FNDC3B: variants seen among roughly 807,000 people sequenced by gnomAD.
The protein encoded by FNDC3B is fibronectin type III domain containing 3B.
A neutral mutation model predicts 151.5 loss-of-function variants in FNDC3B; 12 were observed. The observed-to-expected ratio is 0.08, with a 90% CI of 0.05 to 0.13. The LOEUF is 0.13. Among genes scored for constraint, FNDC3B ranks in the 10% least tolerant of loss-of-function variants. FNDC3B has a pLI of 1.00. For missense variants in FNDC3B, 1,214 were observed against 1,505.3 expected (o/e 0.81, Z 3.20); for synonymous variants, 528 against 549.0 (o/e 0.96, Z 0.54).
At chr3:172,266,044 T>C (rs1435243750) in intron 6 of FNDC3B, among the ~76,000 whole-genome samples, 1 of 152,212 alleles carries the variant, frequency 6.6e-6, no homozygotes, top group African/African-American at 2.4e-5. Context: ...TCTGCTCAAT[T>C]TGAGGTAATA....
intron 6 of FNDC3B, among the ~76,000 whole-genome samples, chr3:172,269,752 A>G (rs951108702): frequency 6.6e-6 from 1 of 151,322 alleles, no homozygotes; most frequent in Non-Finnish European, 1.5e-5. Context: ...TCAAGCGGTT[A>G]TCCTGCCTCA....
chr3:172,214,862 A>G (rs1725899031), intron 3 of FNDC3B, among the ~76,000 whole-genome samples: 2 of 152,262 alleles, frequency 1.3e-5, no homozygotes, highest in Admixed American at 6.5e-5. Flanking sequence ...TGCAGGGGCA[A>G]TGGAAGAGCC....
At chr3:172,268,167 T>C (rs1729018393) in intron 6 of FNDC3B, among the ~76,000 whole-genome samples, 1 of 152,220 alleles carries the variant, frequency 6.6e-6, no homozygotes, top group Non-Finnish European at 1.5e-5. Flanking sequence ...GAGATTTTTC[T>C]CTCCTCCAGA....
chr3:172,239,061 T>TA (rs1727328246), intron 4 of FNDC3B, among the ~76,000 whole-genome samples: 1 of 152,196 alleles, frequency 6.6e-6, no homozygotes, highest in Non-Finnish European at 1.5e-5. Flanking sequence ...TTATTTTTTT[T>TA]TTTTTATTTT....
intron 1 of FNDC3B, among the ~76,000 whole-genome samples, chr3:172,054,840 T>C (rs1716834761): frequency 6.6e-6 from 1 of 152,180 alleles, no homozygotes; most frequent in African/African-American, 2.4e-5. Context: ...CAGGACTTGC[T>C]GTGGTAGGTC....
chr3:172,240,036 TA>T (rs770656881), intron 4 of FNDC3B, among the ~76,000 whole-genome samples: 11 of 151,730 alleles, frequency 7.2e-5, no homozygotes, highest in Non-Finnish European at 1.5e-4. Context: ...GCCTGGCTAA[TA>T]TTTTTTTGTA....
At chr3:172,155,084 A>G (rs1427677857) in intron 3 of FNDC3B, among the ~76,000 whole-genome samples, 1 of 152,148 alleles carries the variant, frequency 6.6e-6, no homozygotes, top group Non-Finnish European at 1.5e-5. Flanking sequence ...ATTTTAAAGT[A>G]TGGTTAAGTT....
intron 3 of FNDC3B, among the ~76,000 whole-genome samples, chr3:172,194,016 T>C (rs1576785520): frequency 1.3e-5 from 2 of 151,858 alleles, no homozygotes; most frequent in East Asian, 1.9e-4. Context: ...GTCAGGAGAT[T>C]GAGACCATCC....
At chr3:172,060,516 T>C (rs1270837007) in intron 1 of FNDC3B, among the ~76,000 whole-genome samples, 2 of 152,162 alleles carry the variant, frequency 1.3e-5, no homozygotes, top group East Asian at 1.9e-4. Context: ...TAGGAACAGA[T>C]AGATTGCATG....
At chr3:172,284,501 T>G (rs923719288) in intron 6 of FNDC3B, among the ~76,000 whole-genome samples, 1 of 152,042 alleles carries the variant, frequency 6.6e-6, no homozygotes. Context: ...AAATAGCATG[T>G]AAGAGTGACA....
At chr3:172,259,310 T>C (rs907618856) in intron 6 of FNDC3B, among the ~76,000 whole-genome samples, 3 of 152,350 alleles carry the variant, frequency 2.0e-5, no homozygotes, top group Admixed American at 6.5e-5. Flanking sequence ...GGCATTCTTC[T>C]TGGCAGGAAA....
intron 1 of FNDC3B, among the ~76,000 whole-genome samples, chr3:172,098,909 T>C (rs1011498752): frequency 1.3e-5 from 2 of 152,152 alleles, no homozygotes; most frequent in African/African-American, 4.8e-5. Context: ...TGAGTACCTA[T>C]TGTGGAGTCC....
chr3:172,277,889 G>A (rs1245068703), intron 6 of FNDC3B, among the ~76,000 whole-genome samples: 3 of 152,056 alleles, frequency 2.0e-5, no homozygotes, highest in Non-Finnish European at 4.4e-5. Context: ...AGGCATTTTA[G>A]TATGTACCCA....
rs546736508 is a variant in FNDC3B, at chr3:172,398,340, T to C, written c.*865T>C. 6.5e-6 allele frequency: 1 copy of C among 152,810 alleles called. No homozygotes were observed. The highest frequency in any genetic ancestry group is 2.1e-4 in the South Asian group (1 of 4,832). 9.5% of individuals were successfully genotyped at this position (152,810 alleles called of 1,614,324 possible). ...TCTGTTATGTTTGACCAGAATTATA[T>C]GACAAGAACTGGTGACAGTTTAGTG... On this transcript the variant is annotated 3_prime_UTR_variant, in exon 26 of 26. Coordinates refer to ENST00000415807, the MANE Select transcript of FNDC3B (RefSeq NM_022763.4).
intron 6 of FNDC3B, among the ~76,000 whole-genome samples, chr3:172,259,791 G>C (rs1001540320): frequency 3.3e-5 from 5 of 151,970 alleles, no homozygotes; most frequent in Non-Finnish European, 5.9e-5. Flanking sequence ...TTGCAATCTG[G>C]AATGTTTTAA....
chr3:172,322,078 G>T (rs149850631), intron 11 of FNDC3B, among the ~76,000 whole-genome samples: 1 of 152,326 alleles, frequency 6.6e-6, no homozygotes, highest in East Asian at 1.9e-4. Flanking sequence ...AAACTTAGAG[G>T]CTTCAAACAA....
chr3:172,336,091 ATTTAAC>A (rs552458337), intron 15 of FNDC3B, among the ~76,000 whole-genome samples: 1,570 of 152,304 alleles, frequency 0.01, 7 homozygotes, highest in Non-Finnish European at 0.016. Context: ...ATGCTATAAT[ATTTAAC>A]TTTATAATTA....
intron 21 of FNDC3B, among the ~76,000 whole-genome samples, chr3:172,351,368 G>T (rs2108322923): frequency 6.6e-6 from 1 of 152,314 alleles, no homozygotes; most frequent in East Asian, 1.9e-4. Context: ...CAGCAAACTT[G>T]GTGTCCCTGT....
chr3:172,243,444 G>C (rs1451073514), intron 4 of FNDC3B, among the ~76,000 whole-genome samples: 1 of 152,020 alleles, frequency 6.6e-6, no homozygotes, highest in African/African-American at 2.4e-5. Flanking sequence ...TGGAAGGCAA[G>C]GAGGACCAAG....
Sources: gnomAD v4.1 joint callset for allele counts (sites outside exome capture counted in the v4.1 genomes callset) on GRCh38, gnomAD v4.1.1 for gene constraint, MANE v1.5 for transcripts, NCBI Gene and HGNC (gene_info 2026-07-23, HGNC 2026-07-21) for gene names.